The following NLGN4X variants were observed in gnomAD, a reference collection of about 807,000 sequenced individuals.
NLGN4X encodes neuroligin-4, X-linked.
A neutral mutation model predicts 40.3 loss-of-function variants in NLGN4X; 3 were observed. That is an observed-to-expected ratio of 0.07 (90% CI 0.03 to 0.19). The LOEUF is 0.19. Among genes scored for constraint, NLGN4X ranks in the 10% least tolerant of loss-of-function variants. The pLI is 1.00. For missense variants in NLGN4X, 382 were observed against 708.3 expected (o/e 0.54, Z 5.23); for synonymous variants, 270 against 306.8 (o/e 0.88, Z 1.25).
At chrX:6,190,625 C>T (rs1473378169) in intron 1 of NLGN4X, among the ~76,000 whole-genome samples, 2 of 111,804 alleles carry the variant, frequency 1.8e-5, no homozygotes, top group African/African-American at 6.5e-5. Flanking sequence ...CAAAAGTATT[C>T]TACCCATATC....
intron 3 of NLGN4X, among the ~76,000 whole-genome samples, chrX:5,936,931 C>A (rs375609624): frequency 4.5e-5 from 5 of 111,388 alleles, no homozygotes; most frequent in East Asian, 2.8e-4. Context: ...GTTAGGATAG[C>A]CAAAAGGTAG....
chrX:6,160,662 C>T lies in NLGN4X; in HGVS notation c.-305-8891G>A, dbSNP rs151088561. Among the ~76,000 whole-genome samples the T allele has an allele frequency of 1.9e-3, 207 of 108,411 alleles. 1 individual carries two copies. The highest frequency in any genetic ancestry group is 6.7e-3 in the African/African-American group (199 of 29,924). 94.1% of individuals were successfully genotyped at this position (108,411 alleles called of 115,157 possible). ...TCAGCCTCCTGAGTAGCCAGGACTA[C>T]AAGCATATGCCCCCATGCCCAGCTA... On this transcript the variant is annotated intron_variant, in intron 1 of 5. Transcript: ENST00000381095.
intron 1 of NLGN4X, among the ~76,000 whole-genome samples, chrX:6,161,356 TATATA>T (rs1400526411): frequency 2.2e-4 from 17 of 78,582 alleles, no homozygotes; most frequent in East Asian, 2.1e-3. Context: ...TAATATAGGA[TATATA>T]ATATATTATT....
chrX:6,164,150 G>A (rs2040455420), intron 1 of NLGN4X, among the ~76,000 whole-genome samples: 1 of 112,890 alleles, frequency 8.9e-6, no homozygotes, highest in South Asian at 3.6e-4. Context: ...CAGCAGTAAA[G>A]TGTTAGAGTA....
At chrX:5,937,947 G>T (rs1411698747) in intron 3 of NLGN4X, among the ~76,000 whole-genome samples, 1 of 112,014 alleles carries the variant, frequency 8.9e-6, no homozygotes, top group African/African-American at 3.2e-5. Context: ...CATAGTGGCT[G>T]CAGGGCTGCA....
intron 3 of NLGN4X, among the ~76,000 whole-genome samples, chrX:5,926,506 C>A (rs1333593992): frequency 2.7e-5 from 3 of 110,323 alleles, no homozygotes; most frequent in Non-Finnish European, 5.7e-5. Flanking sequence ...AATCATGATT[C>A]TTTTATTGAT....
At chrX:6,116,253 A>T (rs1262884318) in intron 2 of NLGN4X, among the ~76,000 whole-genome samples, 1 of 72,782 alleles carries the variant, frequency 1.4e-5, no homozygotes, top group Non-Finnish European at 2.4e-5. Flanking sequence ...AGATTGTGCC[A>T]CTGCACTCCA....
At chrX:6,176,407 C>A (rs1005541036) in intron 1 of NLGN4X, among the ~76,000 whole-genome samples, 5 of 111,887 alleles carry the variant, frequency 4.5e-5, no homozygotes, top group African/African-American at 1.6e-4. Context: ...GAATAACGGA[C>A]CCCCCGGGAT....
intron 2 of NLGN4X, among the ~76,000 whole-genome samples, chrX:6,059,381 CTGA>C (rs766176005): frequency 3.6e-5 from 4 of 112,171 alleles, no homozygotes; most frequent in Non-Finnish European, 7.5e-5. Flanking sequence ...TCAGCCCACG[CTGA>C]TGATGTTGTC....
chrX:6,030,890 T>C (rs1052285818), intron 2 of NLGN4X, among the ~76,000 whole-genome samples: 1 of 112,323 alleles, frequency 8.9e-6, no homozygotes, highest in Admixed American at 9.5e-5. Flanking sequence ...TTGCTGTTTT[T>C]GGCCTCATTT....
At chrX:5,908,365 GC>G (rs1295039820) in intron 4 of NLGN4X, among the ~76,000 whole-genome samples, 1 of 111,072 alleles carries the variant, frequency 9.0e-6, no homozygotes, top group Non-Finnish European at 1.9e-5. Context: ...AGAGAGAGGA[GC>G]GACTTCTTAA....
chrX:6,083,018 C>T lies in NLGN4X; in HGVS notation c.473-53586G>A, dbSNP rs865990614. On this transcript the variant is annotated intron_variant, in intron 2 of 5. Transcript: ENST00000381095. Reference sequence around the variant, plus strand: ...TGTCGCCCAGGCTGGAGTGCGGTGGCGCAATCTCGGCTCACTGCAGGCTCC... The same window carrying T: ...TGTCGCCCAGGCTGGAGTGCGGTGGTGCAATCTCGGCTCACTGCAGGCTCC... Among the ~76,000 whole-genome samples, 14 of 88,291 alleles carry T rather than the reference C, an allele frequency of 1.6e-4. No homozygotes were observed. In the East Asian group the frequency reaches 4.2e-3, roughly 27 times the overall value. 76.7% of individuals were successfully genotyped at this position (88,291 alleles called of 115,157 possible).
intron 2 of NLGN4X, among the ~76,000 whole-genome samples, chrX:6,118,275 T>C (rs2039346535): frequency 9.0e-6 from 1 of 111,303 alleles, no homozygotes; most frequent in South Asian, 3.8e-4. Flanking sequence ...TGACCTTGTA[T>C]CTCCAGCGTA....
chrX:6,001,327 A>C (rs776489372), intron 3 of NLGN4X, among the ~76,000 whole-genome samples: 1 of 112,220 alleles, frequency 8.9e-6, no homozygotes, highest in South Asian at 3.7e-4. Flanking sequence ...ACCAAGTCAA[A>C]TGGAGTACAA....
At chrX:6,113,807 T>C (rs1213523373) in intron 2 of NLGN4X, among the ~76,000 whole-genome samples, 1 of 111,203 alleles carries the variant, frequency 9.0e-6, no homozygotes, top group Non-Finnish European at 1.9e-5. Context: ...TCTGGGTTTT[T>C]TGTTTTGTTT....
intron 5 of NLGN4X, among the ~76,000 whole-genome samples, chrX:5,901,584 T>A (rs12390251): frequency 9.0e-6 from 1 of 111,334 alleles, no homozygotes; most frequent in African/African-American, 3.3e-5. Flanking sequence ...GTTGTATATA[T>A]GCTTTTTGTA....
At chrX:6,143,804 G>A (rs983950066) in intron 2 of NLGN4X, among the ~76,000 whole-genome samples, 1 of 112,112 alleles carries the variant, frequency 8.9e-6, no homozygotes, top group East Asian at 2.8e-4. Context: ...GGGCAACATA[G>A]GAAGGCTCCA....
Position 5,891,517 on chromosome X carries a change from T to A in NLGN4X, c.*1300A>T. On this transcript the variant is annotated 3_prime_UTR_variant, in exon 6 of 6. Coordinates refer to ENST00000381095, the MANE Select transcript of NLGN4X (RefSeq NM_181332.3). ...TGATTAGCTAAGCTGAGCAGGTACT[T>A]CATCGGCCAAACCCTCCCGCAGCTG... 3.4e-6 allele frequency: 1 copy of A among 292,310 alleles called. No individual in the cohort carries two copies. The highest frequency in any genetic ancestry group is 1.1e-4 in the East Asian group (1 of 8,780). 24.1% of individuals were successfully genotyped at this position (292,310 alleles called of 1,213,427 possible).
intron 1 of NLGN4X, among the ~76,000 whole-genome samples, chrX:6,200,430 T>G (rs12560176): frequency 0.11 from 12,599 of 110,872 alleles, 645 homozygotes; most frequent in African/African-American, 0.19. Context: ...GGACAGCAGT[T>G]CAGTGAGAAG....
Sources: gnomAD v4.1 joint callset for allele counts (sites outside exome capture counted in the v4.1 genomes callset) on GRCh38, gnomAD v4.1.1 for gene constraint, MANE v1.5 for transcripts, NCBI Gene and HGNC (gene_info 2026-07-23, HGNC 2026-07-21) for gene names.